Variants in ERC2 observed in about 807,000 individuals in gnomAD.
The protein encoded by ERC2 is ERC protein 2.
A neutral mutation model predicts 114.8 loss-of-function variants in ERC2; 42 were observed. That is an observed-to-expected ratio of 0.37 (90% CI 0.29 to 0.47). The LOEUF (loss-of-function observed/expected upper bound fraction) is 0.47, where lower values mean the gene tolerates loss of function less well. Ranked by LOEUF, ERC2 falls within the 20% of genes least tolerant of loss-of-function variation. ERC2 has a pLI of 0.99. For missense variants in ERC2, 939 were observed against 1,150.7 expected, an observed-to-expected ratio of 0.82 and a Z score of 2.66; for synonymous variants, 454 against 425.5, an observed-to-expected ratio of 1.07 and a Z score of -0.82.
rs539826410 is a variant in ERC2, at chr3:56,093,717, G to C, written c.1474-12733C>G. 9.3e-4 allele frequency among the ~76,000 whole-genome samples: 141 copies of C among 152,082 alleles called. 1 individual carries two copies. Among genetic ancestry groups the C allele is most frequent in the African/African-American group, 3.3e-3 (136 of 41,492 alleles). On this transcript the variant is annotated intron_variant, in intron 6 of 17. Transcript: ENST00000288221. ...GATTTGGCTGCATAGTTCTATAAGAGCTATAAACATGCTTAATCTTATGTT... is the reference window on the plus strand; with the variant it reads ...GATTTGGCTGCATAGTTCTATAAGACCTATAAACATGCTTAATCTTATGTT...
Position 56,229,862 on chromosome 3 carries a change from C to CTTT in ERC2, c.1075-56345_1075-56343dup, listed in dbSNP as rs34357962. ...TTTTCTCCTTTGGCAAATATCTAGT[C>CTTT]TTTTTTTTTTTTTTTTTTTTTTTTT... On this transcript the variant is annotated intron_variant, in intron 3 of 17. Coordinates refer to ENST00000288221, the MANE Select transcript of ERC2 (RefSeq NM_015576.3). 3.7e-3 allele frequency among the ~76,000 whole-genome samples: 212 copies of CTTT among 56,636 alleles called. 44 individuals are homozygous for CTTT. The highest frequency in any genetic ancestry group is 0.011 in the African/African-American group (157 of 14,426). The allele number at this position is 56,636 out of a possible 152,430, so 37.2% of individuals were successfully genotyped here.
At chr3:56,431,952 CA>C (rs1360563124) in intron 2 of ERC2, among the ~76,000 whole-genome samples, 2 of 152,178 alleles carry the variant, frequency 1.3e-5, no homozygotes, top group Non-Finnish European at 2.9e-5. Context: ...GAAGTGCCCT[CA>C]AGCATTCACA....
chr3:56,448,087 T>C (rs750683777), intron 1 of ERC2, among the ~76,000 whole-genome samples: 6 of 152,152 alleles, frequency 3.9e-5, no homozygotes, highest in Non-Finnish European at 5.9e-5. Flanking sequence ...GTGTTACCAC[T>C]GTCTAGACCA....
chr3:56,186,342 C>T (rs893139536), intron 3 of ERC2, among the ~76,000 whole-genome samples: 7 of 151,576 alleles, frequency 4.6e-5, no homozygotes, highest in African/African-American at 1.7e-4. Context: ...TTGCACTCCT[C>T]TGTTGGAGAG....
intron 1 of ERC2, among the ~76,000 whole-genome samples, chr3:56,436,403 G>A (rs528537553): frequency 6.6e-6 from 1 of 152,284 alleles, no homozygotes. Flanking sequence ...GAAGGTAAGT[G>A]TCTCAATGAG....
intron 3 of ERC2, among the ~76,000 whole-genome samples, chr3:56,200,027 TAA>T (rs2048321819): frequency 1.3e-5 from 2 of 152,190 alleles, no homozygotes; most frequent in Non-Finnish European, 2.9e-5. Context: ...GTATGAGGAA[TAA>T]TCAAAGATGA....
intron 2 of ERC2, among the ~76,000 whole-genome samples, chr3:56,400,326 G>A (rs1396712482): frequency 6.6e-6 from 1 of 152,098 alleles, no homozygotes; most frequent in South Asian, 2.1e-4. Context: ...GGCTGAGGGG[G>A]TCACAGAAAT....
intron 13 of ERC2, among the ~76,000 whole-genome samples, chr3:55,948,611 T>A (rs934317470): frequency 2.0e-5 from 3 of 152,202 alleles, no homozygotes; most frequent in Non-Finnish European, 4.4e-5. Flanking sequence ...TGGTCAGGAA[T>A]GCAACTAAGC....
intron 2 of ERC2, among the ~76,000 whole-genome samples, chr3:56,341,002 A>C (rs1235089925): frequency 6.6e-6 from 1 of 152,170 alleles, no homozygotes; most frequent in African/African-American, 2.4e-5. Context: ...TCCTGAAACT[A>C]ATTTAGCTCA....
chr3:55,889,992 G>A (rs1425502982), intron 13 of ERC2, among the ~76,000 whole-genome samples: 1 of 152,168 alleles, frequency 6.6e-6, no homozygotes, highest in Admixed American at 6.5e-5. Flanking sequence ...TGATCATGTA[G>A]TTTAAATCAA....
chr3:55,845,154 C>T (rs943824323), intron 14 of ERC2, among the ~76,000 whole-genome samples: 1 of 152,136 alleles, frequency 6.6e-6, no homozygotes, highest in African/African-American at 2.4e-5. Context: ...TGGTTCCTAA[C>T]AGGACATGGA....
At chr3:55,951,554 A>G (rs1486845005) in intron 12 of ERC2, among the ~76,000 whole-genome samples, 1 of 152,208 alleles carries the variant, frequency 6.6e-6, no homozygotes, top group Admixed American at 6.5e-5. Context: ...TTAGCAAAAC[A>G]TTCCACAGAT....
At chr3:56,385,349 G>GATTAT (rs2059898229) in intron 2 of ERC2, among the ~76,000 whole-genome samples, 1 of 152,032 alleles carries the variant, frequency 6.6e-6, no homozygotes, top group Non-Finnish European at 1.5e-5. Flanking sequence ...CATTCATGAG[G>GATTAT]GCTCTGCTGT....
At chr3:56,214,217 C>A (rs1472881351) in intron 3 of ERC2, among the ~76,000 whole-genome samples, 1 of 152,158 alleles carries the variant, frequency 6.6e-6, no homozygotes, top group East Asian at 1.9e-4. Flanking sequence ...GAAGTTCGAA[C>A]CCATGGCAAA....
At chr3:55,806,567 A>G (rs535584567) in intron 14 of ERC2, among the ~76,000 whole-genome samples, 2 of 152,186 alleles carry the variant, frequency 1.3e-5, no homozygotes, top group South Asian at 2.1e-4. Context: ...TTTGCTACAC[A>G]GGTGACATTT....
intron 7 of ERC2, among the ~76,000 whole-genome samples, chr3:56,045,963 A>G (rs1037028403): frequency 4.6e-5 from 7 of 152,172 alleles, no homozygotes; most frequent in African/African-American, 1.7e-4. Context: ...CGTGGCTTCC[A>G]AATTTGACTG....
chr3:56,311,816 T>C (rs1010430818), intron 2 of ERC2, among the ~76,000 whole-genome samples: 3 of 118,036 alleles, frequency 2.5e-5, no homozygotes, highest in East Asian at 2.7e-4. Context: ...TATATACATA[T>C]AAATGTGTGT....
At chr3:55,751,396 C>T (rs909917001) in intron 14 of ERC2, among the ~76,000 whole-genome samples, 9 of 152,152 alleles carry the variant, frequency 5.9e-5, no homozygotes, top group African/African-American at 1.7e-4. Context: ...CTGAGTTGGT[C>T]AATGCCAATC....
intron 9 of ERC2, among the ~76,000 whole-genome samples, chr3:56,009,246 T>A (rs1331968941): frequency 6.6e-6 from 1 of 152,186 alleles, no homozygotes; most frequent in African/African-American, 2.4e-5. Flanking sequence ...AGCTTCCATA[T>A]CTTCTGTCGC....
Sources: allele counts gnomAD v4.1 joint callset (sites outside exome capture counted in the v4.1 genomes callset), GRCh38; gene constraint gnomAD v4.1.1; transcripts MANE v1.5; gene names NCBI Gene and HGNC (gene_info 2026-07-23, HGNC 2026-07-21).